Variants in GDPD5 observed in about 807,000 individuals in gnomAD.
The protein encoded by GDPD5 is glycerophosphodiester phosphodiesterase domain containing 5.
GDPD5 carries 48 observed loss-of-function variants against 75.1 expected under a neutral mutation model. That is an observed-to-expected ratio of 0.64 (90% CI 0.51 to 0.81). GDPD5 has a LOEUF of 0.81. Among genes scored for constraint, GDPD5 ranks in the 40% least tolerant of loss-of-function variants. The pLI is 0.00. For missense variants in GDPD5, 706 were observed against 822.6 expected (o/e 0.86, Z 1.73); for synonymous variants, 336 against 339.0 (o/e 0.99, Z 0.10).
At chr11:75,511,665 G>A (rs988972261) in intron 1 of GDPD5, among the ~76,000 whole-genome samples, 2 of 152,158 alleles carry the variant, frequency 1.3e-5, no homozygotes, top group Non-Finnish European at 2.9e-5. Context: ...CCCAGCCAGG[G>A]CCATGCTTCC....
intron 6 of GDPD5, chr11:75,455,159 G>A (rs532542125): frequency 1.9e-4 from 67 of 351,288 alleles, no homozygotes; most frequent in Middle Eastern, 1.0e-3. Flanking sequence ...CTGGCTCAGC[G>A]GCTCTATAGG....
intron 2 of GDPD5, among the ~76,000 whole-genome samples, chr11:75,488,668 T>C (rs1950056646): frequency 6.6e-6 from 1 of 152,018 alleles, no homozygotes; most frequent in Admixed American, 6.6e-5. Context: ...CCAAATCCCA[T>C]CCATCTTAAC....
intron 1 of GDPD5, among the ~76,000 whole-genome samples, chr11:75,493,399 G>A (rs1257029567): frequency 1.3e-5 from 2 of 151,410 alleles, no homozygotes; most frequent in African/African-American, 2.4e-5. Flanking sequence ...ATTTTTTTAA[G>A]GCATGCGTTG....
chr11:75,462,751 G>A, intron 4 of GDPD5, 35 bp downstream of exon 4: 1 of 1,537,326 alleles, frequency 6.5e-7, no homozygotes, highest in Non-Finnish European at 9.0e-7. Context: ...CCCAGCTCTG[G>A]GCCCCTTCCT....
At chr11:75,472,274 G>A (rs1949684899) in intron 3 of GDPD5, among the ~76,000 whole-genome samples, 2 of 152,150 alleles carry the variant, frequency 1.3e-5, no homozygotes, top group African/African-American at 4.8e-5. Flanking sequence ...CCCTTGCCAG[G>A]AATGCCCAGT....
At chr11:75,436,845 G>A in intron 16 of GDPD5, 91 bp downstream of exon 16, 1 of 924,130 alleles carries the variant, frequency 1.1e-6, no homozygotes, top group Non-Finnish European at 1.7e-6. Flanking sequence ...TGTGCCACAT[G>A]TGAATGTGTG....
intron 3 of GDPD5, among the ~76,000 whole-genome samples, chr11:75,467,100 C>T (rs771638616): frequency 3.3e-5 from 5 of 152,210 alleles, no homozygotes; most frequent in African/African-American, 1.2e-4. Flanking sequence ...CCCTCCCTGA[C>T]CATCCTGCAC....
chr11:75,437,001 A>G lies in GDPD5; in HGVS notation c.1604T>C (p.Leu535Pro). 6.2e-7 allele frequency: 1 copy of G among 1,613,544 alleles called. No homozygotes were observed. The highest frequency in any genetic ancestry group is 8.5e-7 in the Non-Finnish European group (1 of 1,179,992). ...IRSYNPEQIM[L>P]SAAVRRTSRD... is the part of the protein sequence containing the mutation. ...GCTGGTCCGGCGCACCGCAGCACTC[A>G]GCATGATCTGCTCAGGGTTGTAGCT... Residue 535 changes from leucine (L) to proline (P), a missense_variant, in exon 16 of 17, where the codon CTG becomes CCG. Leu to Pro is a moderately conservative substitution (Grantham distance 98). Coordinates refer to ENST00000336898, the MANE Select transcript of GDPD5 (RefSeq NM_030792.8).
intron 3 of GDPD5, among the ~76,000 whole-genome samples, chr11:75,475,394 C>T (rs1168925053): frequency 6.6e-6 from 1 of 152,208 alleles, no homozygotes; most frequent in Non-Finnish European, 1.5e-5. Context: ...TACCAGCCCC[C>T]GCAGAGCTTA....
chr11:75,443,212 T>C lies in GDPD5; in HGVS notation c.872A>G (p.Glu291Gly). The C allele has an allele frequency of 6.2e-7, 1 of 1,606,238 alleles. No homozygotes were observed. Residue 291 changes from glutamate to glycine, a missense_variant, in exon 11 of 17, where the codon GAG becomes GGG. Physicochemically the swap from Glu to Gly is moderately conservative, Grantham distance 98. Coordinates refer to ENST00000336898, the MANE Select transcript of GDPD5 (RefSeq NM_030792.8). ...RTTNVEEEFPELARRPASMLN... is the reference protein window; with the variant it reads ...RTTNVEEEFPGLARRPASMLN... ...CATGGAGGCAGGCCTGCGGGCCAGC[T>C]CCGGGAACTCCTCCTCCACGTTGGT...
chr11:75,463,955 C>A (rs1008723902), intron 3 of GDPD5, among the ~76,000 whole-genome samples: 2 of 152,240 alleles, frequency 1.3e-5, no homozygotes, highest in African/African-American at 4.8e-5. Flanking sequence ...CTGCTACCCT[C>A]GTGCCTGCCG....
intron 2 of GDPD5, among the ~76,000 whole-genome samples, chr11:75,488,673 C>T (rs1262142963): frequency 1.3e-5 from 2 of 152,210 alleles, no homozygotes; most frequent in African/African-American, 2.4e-5. Context: ...TCCCATCCAT[C>T]TTAACAAACA....
intron 15 of GDPD5, among the ~76,000 whole-genome samples, chr11:75,439,649 T>G (rs951112400): frequency 1.3e-5 from 2 of 152,150 alleles, no homozygotes; most frequent in African/African-American, 4.8e-5. Context: ...TAAGCCCACA[T>G]AGCCACCCAA....
Position 75,449,993 on chromosome 11 carries a change from G to A in GDPD5, c.376-10C>T, listed in dbSNP as rs756151053. On this transcript the variant is annotated splice_polypyrimidine_tract_variant and intron_variant, in intron 6 of 16. Transcript: ENST00000336898. ...TGACCACCAGCCCGATCTGGAGGGGGAAGAGTCACCGGACAGAGGCTCAGA... is the reference window on the plus strand; with the variant it reads ...TGACCACCAGCCCGATCTGGAGGGGAAAGAGTCACCGGACAGAGGCTCAGA... 24 of 1,611,730 alleles carry A rather than the reference G, an allele frequency of 1.5e-5. No homozygotes were observed. The South Asian group carries it at 2.6e-4, about 18-fold the overall frequency.
chr11:75,451,684 A>G (rs1256657417), intron 6 of GDPD5: 1 of 152,240 alleles, frequency 6.6e-6, no homozygotes, highest in Non-Finnish European at 1.5e-5. Context: ...GTGGCCCTGC[A>G]CACAGTGAGT....
At chr11:75,436,253 T>C (rs1312922902) in intron 16 of GDPD5, among the ~76,000 whole-genome samples, 1 of 152,134 alleles carries the variant, frequency 6.6e-6, no homozygotes, top group African/African-American at 2.4e-5. Context: ...AGTTCGGCCA[T>C]ATAGAGGGAC....
intron 12 of GDPD5, 46 bp from the exon 13 acceptor site, chr11:75,441,849 G>A: frequency 1.9e-6 from 3 of 1,557,546 alleles, no homozygotes; most frequent in Non-Finnish European, 2.6e-6. Flanking sequence ...TCTGCACGAT[G>A]CGTAAGAGTA....
In GDPD5 at chr11:75,435,447, C is replaced by G; in HGVS notation, c.*60G>C. 4.8e-6 allele frequency: 7 copies of G among 1,458,786 alleles called. No homozygotes were observed. The highest frequency in any genetic ancestry group is 6.4e-6 in the Non-Finnish European group (7 of 1,091,334). The allele number at this position is 1,458,786 out of a possible 1,614,324, so 90.4% of individuals were successfully genotyped here. A position where few individuals can be genotyped will look rare whatever the true frequency, so the allele number is the denominator to read the frequency against. On this transcript the variant is annotated 3_prime_UTR_variant, in exon 17 of 17. Transcript: ENST00000336898. ...ACTCCGAGTTCAGACACACTTCCAC[C>G]AGCTCTCCTAGGCTCCCCAGCTTCT...
At chr11:75,500,594 C>A (rs925105596) in intron 1 of GDPD5, among the ~76,000 whole-genome samples, 2 of 152,150 alleles carry the variant, frequency 1.3e-5, no homozygotes, top group African/African-American at 4.8e-5. Flanking sequence ...TATCATCCAC[C>A]CCACGGTTTC....
Sources: gnomAD v4.1 joint callset for allele counts (sites outside exome capture counted in the v4.1 genomes callset) on GRCh38, gnomAD v4.1.1 for gene constraint, MANE v1.5 for transcripts, NCBI Gene and HGNC (gene_info 2026-07-23, HGNC 2026-07-21) for gene names.